Variants in IGSF3 observed in about 807,000 individuals in gnomAD.
IGSF3 encodes the protein immunoglobulin superfamily member 3.
Under a neutral mutation model 114.4 loss-of-function variants are expected in IGSF3, and 23 were observed. That is an observed-to-expected ratio of 0.20 (90% CI 0.14 to 0.28). The LOEUF is 0.28. Among genes scored for constraint, IGSF3 ranks in the 10% least tolerant of loss-of-function variants. IGSF3 has a pLI of 1.00. For synonymous variants in IGSF3, 571 were observed against 645.2 expected (o/e 0.88, Z 1.74); for missense variants, 1,172 against 1,591.5 (o/e 0.74, Z 4.48).
In IGSF3 at chr1:116,583,660, C is replaced by T. The variant is rs775752472; in HGVS notation, c.2848+985G>A. On this transcript the variant is annotated intron_variant, in intron 9 of 10. Coordinates refer to ENST00000369486, the MANE Select transcript of IGSF3 (RefSeq NM_001007237.3). This position sits in a 1 kb window ranked among gnomAD's most constrained non-coding sequence, Gnocchi z 4.5. ...AACAAACAAGATACTGATGGGGTCA[C>T]GAATTCACTTCTCCTCCAGGTCCTT... is the stretch of plus-strand genomic sequence containing the variant. Among the ~76,000 whole-genome samples, 24 of 152,188 alleles carry T rather than the reference C, an allele frequency of 1.6e-4. No homozygotes were observed. Among genetic ancestry groups the T allele is most frequent in the Non-Finnish European group, 2.4e-4 (16 of 68,046 alleles).
rs1660358783 is a variant in IGSF3, at chr1:116,596,668, T to TA, written c.2029+3272_2029+3273insT. 2.0e-5 allele frequency among the ~76,000 whole-genome samples: 3 copies of TA among 152,104 alleles called. No homozygotes were observed. Among genetic ancestry groups the TA allele is most frequent in the Non-Finnish European group, 4.4e-5 (3 of 68,028 alleles). ...ACAAGTATACAGTACCAAAGAGGAT[T>TA]CCTGAGAAGAAAAACACTTGTCTAG... On this transcript the variant is annotated intron_variant, in intron 7 of 10. Transcript: ENST00000369486. The surrounding 1 kb of genome is among the most constrained non-coding windows in gnomAD (Gnocchi z 4.1).
chr1:116,662,393 T>TA lies in IGSF3; in HGVS notation c.43+3890dup, dbSNP rs1469213980. 6.6e-6 allele frequency among the ~76,000 whole-genome samples: 1 copy of TA among 152,140 alleles called. No homozygotes were observed. Among genetic ancestry groups the TA allele is most frequent in the African/African-American group, 2.4e-5 (1 of 41,418 alleles). ...GCTTAGGCAAGTTACTTAACCTCCC[T>TA]AAGCTTCAATCTCCCCATCTATAAA... On this transcript the variant is annotated intron_variant, in intron 2 of 10. Coordinates refer to ENST00000369486, the MANE Select transcript of IGSF3 (RefSeq NM_001007237.3). The surrounding 1 kb of genome is among the most constrained non-coding windows in gnomAD (Gnocchi z 4.3).
At chr1:116,580,002 G>T in intron 9 of IGSF3, 125 bp from the exon 10 acceptor site, 3 of 909,862 alleles carry the variant, frequency 3.3e-6, no homozygotes, top group Non-Finnish European at 4.8e-6. Flanking sequence ...TGCACCTATT[G>T]AAAAGGCATA....
chr1:116,646,980 T>C (rs1347042082), intron 2 of IGSF3: 1 of 152,412 alleles, frequency 6.6e-6, no homozygotes, highest in Non-Finnish European at 1.5e-5. Context: ...ACGTCAGCGC[T>C]GCTTGCTGAA....
rs1648924197 is a variant in IGSF3 at position 116,657,714 on chromosome 1, C to T, written c.43+8570G>A. 6.6e-6 allele frequency among the ~76,000 whole-genome samples: 1 copy of T among 152,122 alleles called. No homozygotes were observed. The highest frequency in any genetic ancestry group is 1.5e-5 in the Non-Finnish European group (1 of 68,030). ...TGGCACCAGCGATGCCACAGGTGTACCCAGTGCCCTGCCGAGAGCAGAGAC... is the reference window on the plus strand; with the variant it reads ...TGGCACCAGCGATGCCACAGGTGTATCCAGTGCCCTGCCGAGAGCAGAGAC... On this transcript the variant is annotated intron_variant, in intron 2 of 10. Transcript: ENST00000369486. The surrounding 1 kb of genome is among the most constrained non-coding windows in gnomAD (Gnocchi z 4.2).
In IGSF3 at chr1:116,636,204, G is replaced by T. The variant is rs549640595; in HGVS notation, c.44-19747C>A. Among the ~76,000 whole-genome samples, 1 of 152,102 alleles carries T rather than the reference G, an allele frequency of 6.6e-6. No homozygotes were observed. Among genetic ancestry groups the T allele is most frequent in the African/African-American group, 2.4e-5 (1 of 41,402 alleles). The stretch of plus-strand genomic sequence containing the variant: ...CTTCCCAAGAAGAATTCCCCATACC[G>T]AGTCTACCATTCCTTCCCTGATCAA... On this transcript the variant is annotated intron_variant, in intron 2 of 10. Coordinates refer to ENST00000369486, the MANE Select transcript of IGSF3 (RefSeq NM_001007237.3). This position sits in a 1 kb window ranked among gnomAD's most constrained non-coding sequence, Gnocchi z 4.5.
In IGSF3 at chr1:116,638,606, G is replaced by A. The variant is rs1647939339; in HGVS notation, c.44-22149C>T. Reference sequence around the variant, plus strand: ...TTGCCATTTCCCCCAAGTCGACCAGGAGTCATTCACACCTAAAGGCTATGC... The same window carrying A: ...TTGCCATTTCCCCCAAGTCGACCAGAAGTCATTCACACCTAAAGGCTATGC... On this transcript the variant is annotated intron_variant, in intron 2 of 10. Coordinates refer to ENST00000369486, the MANE Select transcript of IGSF3 (RefSeq NM_001007237.3). This position sits in a 1 kb window ranked among gnomAD's most constrained non-coding sequence, Gnocchi z 4.1. 6.6e-6 allele frequency among the ~76,000 whole-genome samples: 1 copy of A among 152,158 alleles called. No individual in the cohort carries two copies. The highest frequency in any genetic ancestry group is 2.4e-5 in the African/African-American group (1 of 41,416).
chr1:116,603,558 G>A lies in IGSF3; in HGVS notation c.1624+66C>T. 1 of 1,492,620 alleles carries A rather than the reference G, an allele frequency of 6.7e-7. No individual in the cohort carries two copies. Among genetic ancestry groups the A allele is most frequent in the Admixed American group, 1.8e-5 (1 of 56,908 alleles). 92.5% of individuals were successfully genotyped at this position (1,492,620 alleles called of 1,614,324 possible). A position where few individuals can be genotyped will look rare whatever the true frequency, so the allele number is the denominator to read the frequency against. On this transcript the variant is annotated intron_variant, in intron 6 of 10. Transcript: ENST00000369486. This position sits in a 1 kb window ranked among gnomAD's most constrained non-coding sequence, Gnocchi z 7.1. ...TAAAACTCTGACTGAGAAAAGTCAG[G>A]ATAAGGTGTTTGACACTGAAGCTGT...
chr1:116,659,410 C>T (rs1191855698), intron 2 of IGSF3, among the ~76,000 whole-genome samples: 1 of 152,042 alleles, frequency 6.6e-6, no homozygotes, highest in African/African-American at 2.4e-5. Flanking sequence ...AATTTGGCAA[C>T]ATGTGATTTT....
rs966819466 is a variant in IGSF3 at position 116,648,383 on chromosome 1, G to A, written c.43+17901C>T. ...CGGTTAGAGAAGAAACAGGATGCAC[G>A]GGAGATCACACACAGAGTAAGAGGT... is the stretch of plus-strand genomic sequence containing the variant. On this transcript the variant is annotated intron_variant, in intron 2 of 10. Transcript: ENST00000369486. This position sits in a 1 kb window ranked among gnomAD's most constrained non-coding sequence, Gnocchi z 4.7. 1.3e-4 allele frequency among the ~76,000 whole-genome samples: 20 copies of A among 152,082 alleles called. No individual in the cohort carries two copies. The highest frequency in any genetic ancestry group is 2.4e-4 in the Non-Finnish European group (16 of 68,000).
intron 5 of IGSF3, among the ~76,000 whole-genome samples, chr1:116,606,259 A>T (rs1265206688): frequency 2.0e-5 from 3 of 152,270 alleles, no homozygotes; most frequent in Non-Finnish European, 4.4e-5. Context: ...AATGCAATGC[A>T]AGCTCAACCA....
rs184370040 is a variant in IGSF3, at chr1:116,594,591, A to T, written c.2029+5350T>A. Among the ~76,000 whole-genome samples the T allele has an allele frequency of 0.01, 1,542 of 152,338 alleles. 12 individuals are homozygous for T. The highest frequency in any genetic ancestry group is 0.017 in the Non-Finnish European group (1,151 of 68,034). On this transcript the variant is annotated intron_variant, in intron 7 of 10. Transcript: ENST00000369486. The surrounding 1 kb of genome is among the most constrained non-coding windows in gnomAD (Gnocchi z 5.2). ...ATATTATTCCCAATTTTATAAAGAC[A>T]CTTGCCCAAGGTCACACAGCTGGCT...
intron 2 of IGSF3, among the ~76,000 whole-genome samples, chr1:116,622,512 T>G (rs1458909862): frequency 1.3e-5 from 2 of 152,094 alleles, no homozygotes; most frequent in African/African-American, 4.8e-5. Flanking sequence ...AACAAAACAT[T>G]GATGATACTG....
At chr1:116,667,415 G>C (rs1380892596) in intron 1 of IGSF3, among the ~76,000 whole-genome samples, 1 of 152,124 alleles carries the variant, frequency 6.6e-6, no homozygotes, top group Non-Finnish European at 1.5e-5. Flanking sequence ...GGGGAAGAAG[G>C]GAGTCCGGAG....
rs1649329519 is a variant in IGSF3, at chr1:116,666,290, C to T, written c.37G>A (p.Val13Met). The change falls in exon 2 of 11, where the codon GTG (valine) becomes ATG (methionine). Residue 13 changes from valine (V) to methionine (M), a missense_variant. By Grantham distance (21) the Val-to-Met change is conservative. Transcript: ENST00000369486. Reference protein sequence around the residue: ...CFFPVLSCLAVLGVVSAQRQV... With the variant: ...CFFPVLSCLAMLGVVSAQRQV... ...GATAAGCAGAGCCACTTACCCAGCA[C>T]AGCCAGACAGCTCAGCACCGGGAAA... 3 of 1,613,922 alleles carry T rather than the reference C, an allele frequency of 1.9e-6. No homozygotes were observed. The Admixed American group carries it at 5.0e-5, about 27-fold the overall frequency.
chr1:116,583,659 A>G lies in IGSF3; in HGVS notation c.2848+986T>C, dbSNP rs780879352. ...AAACAAACAAGATACTGATGGGGTC[A>G]CGAATTCACTTCTCCTCCAGGTCCT... On this transcript the variant is annotated intron_variant, in intron 9 of 10. Coordinates refer to ENST00000369486, the MANE Select transcript of IGSF3 (RefSeq NM_001007237.3). This position sits in a 1 kb window ranked among gnomAD's most constrained non-coding sequence, Gnocchi z 4.5. Among the ~76,000 whole-genome samples, 12 of 152,224 alleles carry G rather than the reference A, an allele frequency of 7.9e-5. No individual in the cohort carries two copies. The highest frequency in any genetic ancestry group is 1.5e-4 in the Non-Finnish European group (10 of 68,036).
chr1:116,647,937 C>T lies in IGSF3; in HGVS notation c.43+18347G>A, dbSNP rs1015941273. Among the ~76,000 whole-genome samples, 6 of 152,216 alleles carry T rather than the reference C, an allele frequency of 3.9e-5. No individual in the cohort carries two copies. The highest frequency in any genetic ancestry group is 1.4e-4 in the African/African-American group (6 of 41,460). ...TGGCCAACATGAAGAAACCCCATCT[C>T]TACTACAAATACAAAAATTAGCTGG... On this transcript the variant is annotated intron_variant, in intron 2 of 10. Transcript: ENST00000369486. The surrounding 1 kb of genome is among the most constrained non-coding windows in gnomAD (Gnocchi z 4.6).
At chr1:116,643,074 G>C (rs1648181106) in intron 2 of IGSF3, among the ~76,000 whole-genome samples, 1 of 152,202 alleles carries the variant, frequency 6.6e-6, no homozygotes, top group South Asian at 2.1e-4. Flanking sequence ...AAAGGCGCAG[G>C]GGGATGGGGG....
At position 116,665,674 on chromosome 1, in the gene IGSF3, A is replaced by G. The variant is rs79764817; in HGVS notation, c.43+610T>C. Among the ~76,000 whole-genome samples, 2 of 152,268 alleles carry G rather than the reference A, an allele frequency of 1.3e-5. No homozygotes were observed. Among genetic ancestry groups the G allele is most frequent in the East Asian group, 3.9e-4 (2 of 5,184 alleles). Reference sequence around the variant, plus strand: ...AGCCAATCCTAAAATCTCCCCTACCAGGCAGCTTCCTTTTCTTCAGGCTCT... The same window carrying G: ...AGCCAATCCTAAAATCTCCCCTACCGGGCAGCTTCCTTTTCTTCAGGCTCT... On this transcript the variant is annotated intron_variant, in intron 2 of 10. Coordinates refer to ENST00000369486, the MANE Select transcript of IGSF3 (RefSeq NM_001007237.3). This position sits in a 1 kb window ranked among gnomAD's most constrained non-coding sequence, Gnocchi z 4.0.
Sources: allele counts gnomAD v4.1 joint callset (sites outside exome capture counted in the v4.1 genomes callset), GRCh38; gene constraint gnomAD v4.1.1; non-coding constraint Gnocchi (gnomAD v3.1); transcripts MANE v1.5; gene names NCBI Gene and HGNC (gene_info 2026-07-23, HGNC 2026-07-21).